SMARCC1: variants seen among roughly 807,000 people sequenced by gnomAD.
SMARCC1 encodes SWI/SNF complex subunit SMARCC1.
In SMARCC1, 43 loss-of-function variants were observed where a neutral mutation model predicts 147.4. The ratio of observed to expected loss-of-function variants is 0.29; its 90% CI spans 0.23 to 0.38. The LOEUF (loss-of-function observed/expected upper bound fraction) is 0.38, where lower values mean the gene tolerates loss of function less well. Among genes scored for constraint, SMARCC1 ranks in the 10% least tolerant of loss-of-function variants. The pLI, the probability that SMARCC1 is intolerant of heterozygous loss-of-function variation, is 1.00. For synonymous variants in SMARCC1, 495 were observed against 484.4 expected (o/e 1.02, Z -0.29); for missense variants, 1,119 against 1,381.1 (o/e 0.81, Z 3.01).
In SMARCC1 at chr3:47,676,665, G is replaced by A; in HGVS notation, c.1689C>T (p.Pro563=). ...TPHFNVLADT[P]SGLVPLHLRS... is the part of the protein sequence containing the mutation. The stretch of plus-strand genomic sequence containing the variant: ...GAAGATGCAGAGGCACAAGCCCAGA[G>A]GGGGTATCAGCTAATACATTAAAAT... Residue 563 remains proline (P), a synonymous_variant, in exon 17 of 28, where the codon CCC becomes CCT. Transcript: ENST00000254480. 6.2e-7 allele frequency: 1 copy of A among 1,613,848 alleles called. No individual in the cohort carries two copies. The highest frequency in any genetic ancestry group is 8.5e-7 in the Non-Finnish European group (1 of 1,179,836).
intron 2 of SMARCC1, among the ~76,000 whole-genome samples, chr3:47,765,030 C>A (rs2034819397): frequency 6.6e-6 from 1 of 152,070 alleles, no homozygotes; most frequent in Non-Finnish European, 1.5e-5. Flanking sequence ...GGCAGGCAGA[C>A]CACCTGAGGT....
intron 6 of SMARCC1, among the ~76,000 whole-genome samples, chr3:47,725,948 G>A (rs1029160195): frequency 2.0e-5 from 3 of 151,288 alleles, no homozygotes; most frequent in African/African-American, 7.3e-5. Flanking sequence ...TGTAATCCCA[G>A]CTACTCAGGA....
chr3:47,742,833 T>G (rs2034524055), intron 3 of SMARCC1, among the ~76,000 whole-genome samples: 1 of 152,130 alleles, frequency 6.6e-6, no homozygotes, highest in South Asian at 2.1e-4. Flanking sequence ...TCCGCTGACC[T>G]CAGCCTCCCA....
chr3:47,770,195 T>C (rs1431764991), intron 2 of SMARCC1, among the ~76,000 whole-genome samples: 1 of 151,658 alleles, frequency 6.6e-6, no homozygotes, highest in African/African-American at 2.4e-5. Flanking sequence ...ACCACTGCAC[T>C]CTAGCCTGGG....
chr3:47,653,220 G>A (rs2033215891), intron 21 of SMARCC1, among the ~76,000 whole-genome samples: 1 of 152,126 alleles, frequency 6.6e-6, no homozygotes, highest in Non-Finnish European at 1.5e-5. Context: ...GCCTCCCAAA[G>A]TGCTGGGATT....
intron 21 of SMARCC1, among the ~76,000 whole-genome samples, chr3:47,648,472 G>A (rs894869292): frequency 4.6e-5 from 7 of 151,976 alleles, no homozygotes; most frequent in African/African-American, 1.7e-4. Flanking sequence ...CTGCAGCCTC[G>A]AACTTCTGGG....
At chr3:47,706,563 T>C (rs750942202) in intron 9 of SMARCC1, 33 bp from the exon 10 acceptor site, 1 of 1,509,960 alleles carries the variant, frequency 6.6e-7, no homozygotes, top group Non-Finnish European at 8.8e-7. Context: ...AAGTATCAGC[T>C]ATCTTTGCTC....
rs544222046 is a variant in SMARCC1, at chr3:47,742,893, T to C, written c.401+3015A>G. On this transcript the variant is annotated intron_variant, in intron 3 of 27. Transcript: ENST00000254480. ...CCACCACAGCTGGCCAATTCTGTAA[T>C]ATTAATCTGTACAGTCTCTTCACAA... Among the ~76,000 whole-genome samples the C allele has an allele frequency of 1.1e-4, 16 of 152,272 alleles. No individual in the cohort carries two copies. The East Asian group carries it at 1.5e-3, about 15-fold the overall frequency.
chr3:47,631,569 T>C (rs530385954), intron 24 of SMARCC1, among the ~76,000 whole-genome samples: 116 of 152,314 alleles, frequency 7.6e-4, no homozygotes, highest in African/African-American at 2.5e-3. Flanking sequence ...ACTCCTTTAG[T>C]TGAGACAATT....
intron 1 of SMARCC1, 114 bp from the exon 2 acceptor site, chr3:47,773,050 G>C: frequency 1.2e-6 from 1 of 849,324 alleles, no homozygotes; most frequent in Non-Finnish European, 1.8e-6. Flanking sequence ...ATAGATGTCT[G>C]AGACACGCTC....
intron 21 of SMARCC1, among the ~76,000 whole-genome samples, chr3:47,649,023 C>T (rs752751396): frequency 3.9e-5 from 6 of 152,158 alleles, no homozygotes; most frequent in Non-Finnish European, 5.9e-5. Context: ...AGGAAAGTCA[C>T]GTAAACCCTA....
intron 2 of SMARCC1, among the ~76,000 whole-genome samples, chr3:47,761,858 G>A (rs917856044): frequency 6.6e-6 from 1 of 152,078 alleles, no homozygotes; most frequent in Non-Finnish European, 1.5e-5. Flanking sequence ...GCCCAGGCTG[G>A]AGTGCAGTGG....
intron 2 of SMARCC1, among the ~76,000 whole-genome samples, chr3:47,755,964 C>T (rs7634220): frequency 0.92 from 124,725 of 136,106 alleles, 58,333 homozygotes; most frequent in East Asian, 1. Flanking sequence ...CATTTCAGCC[C>T]GGGTGACAGA....
intron 1 of SMARCC1, among the ~76,000 whole-genome samples, chr3:47,774,821 T>C (rs1183607059): frequency 6.6e-6 from 1 of 152,072 alleles, no homozygotes; most frequent in Non-Finnish European, 1.5e-5. Flanking sequence ...ACTTTTTTTT[T>C]TCAAGACAGT....
chr3:47,696,633 C>T, intron 11 of SMARCC1, among the ~76,000 whole-genome samples: 1 of 151,832 alleles, frequency 6.6e-6, no homozygotes, highest in East Asian at 2.0e-4. Flanking sequence ...ATTCTCCTGC[C>T]TCAGCCTCCT....
intron 2 of SMARCC1, among the ~76,000 whole-genome samples, chr3:47,762,692 T>C (rs2034788235): frequency 1.3e-5 from 2 of 151,934 alleles, no homozygotes; most frequent in East Asian, 3.9e-4. Flanking sequence ...GAGGCCGAGA[T>C]GGGAGAATCA....
intron 6 of SMARCC1, among the ~76,000 whole-genome samples, chr3:47,728,366 G>A (rs973612495): frequency 2.8e-4 from 42 of 152,036 alleles, no homozygotes; most frequent in African/African-American, 1.0e-3. Context: ...GGGATTACAG[G>A]CGTGAGACAC....
At chr3:47,746,807 T>G (rs977076925) in intron 2 of SMARCC1, among the ~76,000 whole-genome samples, 3 of 150,536 alleles carry the variant, frequency 2.0e-5, no homozygotes, top group Non-Finnish European at 4.4e-5. Context: ...CTCGGCTCAC[T>G]GCAACCTACG....
chr3:47,664,164 T>C (rs1416283720), intron 19 of SMARCC1, among the ~76,000 whole-genome samples: 1 of 148,324 alleles, frequency 6.7e-6, no homozygotes, highest in Non-Finnish European at 1.5e-5. Flanking sequence ...TCCACTCCCC[T>C]GCTTAATAAA....
Sources: allele counts gnomAD v4.1 joint callset (sites outside exome capture counted in the v4.1 genomes callset), GRCh38; gene constraint gnomAD v4.1.1; transcripts MANE v1.5; gene names NCBI Gene and HGNC (gene_info 2026-07-23, HGNC 2026-07-21).